Variants in IGHMBP2 observed in about 807,000 individuals in gnomAD.
The protein encoded by IGHMBP2 is DNA-binding protein SMUBP-2.
Under a neutral mutation model 96.0 loss-of-function variants are expected in IGHMBP2, and 81 were observed. That is an observed-to-expected ratio of 0.84 (90% CI 0.71 to 1.01). IGHMBP2 has a LOEUF of 1.01. Ranked by LOEUF, IGHMBP2 falls within the 50% of genes least tolerant of loss-of-function variation. The pLI is 0.00. For missense variants in IGHMBP2, 1,227 were observed against 1,306.3 expected, an observed-to-expected ratio of 0.94 and a Z score of 0.94; for synonymous variants, 557 against 548.9, an observed-to-expected ratio of 1.01 and a Z score of -0.21.
chr11:68,904,157 C>A (rs1858078307), intron 1 of IGHMBP2, 119 bp downstream of exon 1: 1 of 840,042 alleles, frequency 1.2e-6, no homozygotes, highest in South Asian at 1.4e-5. Flanking sequence ...CCCTTCGAGT[C>A]AGGGGCAGGG....
chr11:68,940,110 G>A lies in IGHMBP2; in HGVS notation c.*379G>A, dbSNP rs533355737. On this transcript the variant is annotated 3_prime_UTR_variant, in exon 15 of 15. Transcript: ENST00000255078. Reference sequence around the variant, plus strand: ...TGTCTGGGACTTGCCAGCTCAGCCCGTTAGGATGAGGGTGCTGAGAGGAAA... The same window carrying A: ...TGTCTGGGACTTGCCAGCTCAGCCCATTAGGATGAGGGTGCTGAGAGGAAA... 22 of 244,552 alleles carry A rather than the reference G, an allele frequency of 9.0e-5. No homozygotes were observed. In the South Asian group the frequency reaches 1.1e-3, roughly 12 times the overall value. The allele number at this position is 244,552 out of a possible 1,614,324, so 15.1% of individuals were successfully genotyped here. A position where few individuals can be genotyped will look rare whatever the true frequency, so the allele number is the denominator to read the frequency against.
At chr11:68,904,442 A>T (rs958259981) in intron 1 of IGHMBP2, among the ~76,000 whole-genome samples, 2 of 152,024 alleles carry the variant, frequency 1.3e-5, no homozygotes, top group South Asian at 4.1e-4. Context: ...CGATCCGGCC[A>T]GCGGCGGGCT....
intron 14 of IGHMBP2, 142 bp downstream of exon 14, chr11:68,938,496 AGACACT>A: frequency 1.4e-6 from 1 of 724,012 alleles, no homozygotes; most frequent in Non-Finnish European, 2.2e-6. Context: ...AACAGAAATC[AGACACT>A]GACTCATGAT....
rs759992553 is a variant in IGHMBP2 at position 68,934,571 on chromosome 11, C to T, written c.1632+13C>T. On this transcript the variant is annotated intron_variant, in intron 11 of 14. Transcript: ENST00000255078. The stretch of plus-strand genomic sequence containing the variant: ...ATACAACCTCCAGGTACGAGGGTTT[C>T]CTTTTGTCCCTCTACAGAGCAGCTG... 7.0e-6 allele frequency: 11 copies of T among 1,582,222 alleles called. No homozygotes were observed. The highest frequency in any genetic ancestry group is 9.5e-6 in the Non-Finnish European group (11 of 1,155,522).
At chr11:68,928,367 C>T (rs542274060) in intron 7 of IGHMBP2, among the ~76,000 whole-genome samples, 1 of 152,236 alleles carries the variant, frequency 6.6e-6, no homozygotes. Context: ...TCTGTCTCCT[C>T]TGTGGGTGCT....
At chr11:68,936,133 G>T (rs748687664) in intron 12 of IGHMBP2, 104 bp from the exon 13 acceptor site, 4 of 1,350,890 alleles carry the variant, frequency 3.0e-6, no homozygotes, top group Middle Eastern at 1.9e-4. Context: ...TGGGCCACGC[G>T]CAGGGGACTA....
chr11:68,922,842 C>G (rs1178140905), intron 7 of IGHMBP2, among the ~76,000 whole-genome samples: 1 of 152,174 alleles, frequency 6.6e-6, no homozygotes, highest in African/African-American at 2.4e-5. Flanking sequence ...TTTATACTTG[C>G]TTATTGCTGA....
chr11:68,934,241 G>A (rs574620397), intron 10 of IGHMBP2: 7 of 639,258 alleles, frequency 1.1e-5, no homozygotes, highest in East Asian at 2.7e-5. Flanking sequence ...CAGGATGCAC[G>A]GCCATAGGAG....
chr11:68,939,739 C>T lies in IGHMBP2; in HGVS notation c.*8C>T. ...AAGGAGAGGGGGACGTGACCGGCCG[C>T]ATCCTTGCACGCCCCGCGGAGCTCT... On this transcript the variant is annotated 3_prime_UTR_variant, in exon 15 of 15. Coordinates refer to ENST00000255078, the MANE Select transcript of IGHMBP2 (RefSeq NM_002180.3). The T allele has an allele frequency of 6.2e-7, 1 of 1,601,992 alleles. No homozygotes were observed. The highest frequency in any genetic ancestry group is 8.5e-7 in the Non-Finnish European group (1 of 1,175,408).
rs1858601182 is a variant in IGHMBP2 at position 68,915,140 on chromosome 11, T to C, written c.912+117T>C. 3 of 662,788 alleles carry C rather than the reference T, an allele frequency of 4.5e-6. No homozygotes were observed. In the South Asian group the frequency reaches 6.2e-5, roughly 14 times the overall value. 41.1% of individuals were successfully genotyped at this position (662,788 alleles called of 1,614,324 possible). On this transcript the variant is annotated intron_variant, in intron 6 of 14. Coordinates refer to ENST00000255078, the MANE Select transcript of IGHMBP2 (RefSeq NM_002180.3). ...CCTTCTCTTGCTTCTGTCGATTCCT[T>C]TAATAATTTTAAAAATTGGGCTGCC...
chr11:68,936,131 GC>G, intron 12 of IGHMBP2, 105 bp from the exon 13 acceptor site: 1 of 1,336,922 alleles, frequency 7.5e-7, no homozygotes, highest in Non-Finnish European at 1.1e-6. Context: ...GGTGGGCCAC[GC>G]GCAGGGGACT....
At chr11:68,904,781 T>G (rs1858110607) in intron 1 of IGHMBP2, among the ~76,000 whole-genome samples, 1 of 145,068 alleles carries the variant, frequency 6.9e-6, no homozygotes, top group African/African-American at 2.5e-5. Flanking sequence ...CCCTACAGTG[T>G]AAGTTTCTTT....
intron 7 of IGHMBP2, 115 bp downstream of exon 7, chr11:68,917,998 G>A (rs543744585): frequency 2.4e-6 from 3 of 1,227,398 alleles, no homozygotes; most frequent in Admixed American, 1.9e-5. Flanking sequence ...CTTAAAAGTT[G>A]GGTAGGGTTC....
intron 7 of IGHMBP2, among the ~76,000 whole-genome samples, chr11:68,923,726 T>A (rs1858961840): frequency 6.6e-6 from 1 of 152,190 alleles, no homozygotes; most frequent in Non-Finnish European, 1.5e-5. Context: ...GTTCCCGGCC[T>A]TGTGTGAGCA....
intron 4 of IGHMBP2, among the ~76,000 whole-genome samples, chr11:68,909,175 G>T (rs1263336647): frequency 1.8e-5 from 2 of 113,948 alleles, no homozygotes; most frequent in Admixed American, 1.7e-4. Flanking sequence ...TTTTTTTTTG[G>T]CGGGGGGGGT....
rs370985388 is a variant in IGHMBP2 at position 68,939,618 on chromosome 11, A to G, written c.2869A>G (p.Lys957Glu). The G allele has an allele frequency of 1.2e-4, 188 of 1,613,548 alleles. No homozygotes were observed. Among genetic ancestry groups the G allele is most frequent in the South Asian group, 7.6e-4 (69 of 91,060 alleles). ...GGTCCTCTATGCCGGCAGCGGGACC[A>G]AGAACGGATCCCTGGACCCAGCCAA... ...EGVLYAGSGT[K>E]NGSLDPAKRA... is the part of the protein sequence containing the mutation. Residue 957 changes from lysine to glutamate, a missense_variant, in exon 15 of 15, where the codon AAG becomes GAG. Transcript: ENST00000255078.
At chr11:68,911,264 G>T (rs11228405) in intron 4 of IGHMBP2, among the ~76,000 whole-genome samples, 176 bp from the exon 5 acceptor site, 36 of 152,172 alleles carry the variant, frequency 2.4e-4, no homozygotes, top group African/African-American at 8.2e-4. Context: ...CCTGTTCAAG[G>T]AGAAACCTTG....
intron 7 of IGHMBP2, among the ~76,000 whole-genome samples, chr11:68,918,156 G>A (rs892304494): frequency 2.0e-5 from 3 of 152,080 alleles, no homozygotes; most frequent in African/African-American, 2.4e-5. Flanking sequence ...TTATCTAAAC[G>A]GTTGAATTTA....
rs1308205831 is a variant in IGHMBP2 at position 68,936,478 on chromosome 11, C to T, written c.1998C>T (p.Pro666=). ...GTTCCAGCCACGCTGCCACCAAGCC[C>T]CAGGGACCTGCTACGTCCACCAGGA... ...SQGSSHAATK[P]QGPATSTRTG... is the part of the protein sequence containing the mutation. The change falls in exon 13 of 15, where the codon CCC becomes CCT. Residue 666 remains proline, a synonymous_variant. Coordinates refer to ENST00000255078, the MANE Select transcript of IGHMBP2 (RefSeq NM_002180.3). 1 of 1,613,914 alleles carries T rather than the reference C, an allele frequency of 6.2e-7. No individual in the cohort carries two copies. The highest frequency in any genetic ancestry group is 8.5e-7 in the Non-Finnish European group (1 of 1,179,990).
Sources: gnomAD v4.1 joint callset for allele counts (sites outside exome capture counted in the v4.1 genomes callset) on GRCh38, gnomAD v4.1.1 for gene constraint, MANE v1.5 for transcripts, NCBI Gene and HGNC (gene_info 2026-07-23, HGNC 2026-07-21) for gene names.